The following C2CD3 variants were observed in gnomAD, a reference collection of about 807,000 sequenced individuals.
C2CD3 encodes C2 domain-containing protein 3.
In C2CD3, 148 loss-of-function variants were observed where a neutral mutation model predicts 234.0. That is an observed-to-expected ratio of 0.63 (90% CI 0.55 to 0.72). The LOEUF (loss-of-function observed/expected upper bound fraction) is 0.72. Ranked by LOEUF, C2CD3 falls within the 30% of genes least tolerant of loss-of-function variation. The pLI, the probability that C2CD3 is intolerant of heterozygous loss-of-function variation, is 0.00. For synonymous variants in C2CD3, 1,000 were observed against 1,035.4 expected (o/e 0.97, Z 0.66); for missense variants, 2,577 against 2,811.5 (o/e 0.92, Z 1.89).
intron 8 of C2CD3, among the ~76,000 whole-genome samples, chr11:74,118,667 G>A (rs112824954): frequency 1.3e-5 from 2 of 152,228 alleles, no homozygotes; most frequent in African/African-American, 4.8e-5. Context: ...TAGACCATAT[G>A]TCTGGTATTA....
At chr11:74,133,635 T>C in intron 5 of C2CD3, 78 bp from the exon 6 acceptor site, 1 of 1,468,178 alleles carries the variant, frequency 6.8e-7, no homozygotes, top group Non-Finnish European at 9.4e-7. Context: ...CATTTCCTTC[T>C]ATCAGAGGAC....
At chr11:74,049,218 T>C in intron 27 of C2CD3, 119 bp downstream of exon 27, 3 of 798,150 alleles carry the variant, frequency 3.8e-6, no homozygotes, top group Non-Finnish European at 4.1e-6. Flanking sequence ...GAGGTTGTTA[T>C]GAGACACATA....
At chr11:74,086,280 T>C (rs530337405) in intron 20 of C2CD3, among the ~76,000 whole-genome samples, 9 of 152,326 alleles carry the variant, frequency 5.9e-5, no homozygotes, top group South Asian at 4.1e-4. Flanking sequence ...CTTATCAGCA[T>C]TGGACTTGTG....
chr11:74,158,934 C>A (rs192841786), intron 3 of C2CD3, among the ~76,000 whole-genome samples: 1 of 152,242 alleles, frequency 6.6e-6, no homozygotes, highest in East Asian at 1.9e-4. Flanking sequence ...TTATGGTCAA[C>A]AGTATGAAGG....
chr11:74,056,940 GC>G (rs1265412654), intron 25 of C2CD3, among the ~76,000 whole-genome samples: 1 of 120,706 alleles, frequency 8.3e-6, no homozygotes, highest in Non-Finnish European at 1.7e-5. Context: ...TTGCTATATT[GC>G]CCAGGCAAGT....
chr11:74,148,692 T>C (rs536579296), intron 3 of C2CD3, among the ~76,000 whole-genome samples: 1 of 152,246 alleles, frequency 6.6e-6, no homozygotes, highest in African/African-American at 2.4e-5. Context: ...TTCTTTGCAG[T>C]CCCTCACTCC....
In C2CD3 at chr11:74,109,998, G is replaced by A. The variant is rs369026539; in HGVS notation, c.1844-846C>T. ...TGGGAGGCTAAGGCAGGAGAGTGGC[G>A]TGAACCGGGGAAGCAGAGCTTGCAG... On this transcript the variant is annotated intron_variant, in intron 11 of 32. Coordinates refer to ENST00000334126, the MANE Select transcript of C2CD3 (RefSeq NM_001286577.2). Among the ~76,000 whole-genome samples the A allele has an allele frequency of 2.0e-3, 306 of 150,348 alleles. 2 individuals are homozygous for A. The highest frequency in any genetic ancestry group is 6.7e-3 in the African/African-American group (272 of 40,402).
chr11:74,047,199 G>A (rs183361985), intron 28 of C2CD3, among the ~76,000 whole-genome samples: 1 of 152,326 alleles, frequency 6.6e-6, no homozygotes, highest in East Asian at 1.9e-4. Context: ...TGTTAAGATG[G>A]TTAGAGAGTG....
chr11:74,139,589 T>G lies in C2CD3; in HGVS notation c.707+16A>C. 1 of 1,516,956 alleles carries G rather than the reference T, an allele frequency of 6.6e-7. No individual in the cohort carries two copies. The highest frequency in any genetic ancestry group is 1.1e-5 in the South Asian group (1 of 89,070). The allele number at this position is 1,516,956 out of a possible 1,614,324, so 94.0% of individuals were successfully genotyped here. A position where few individuals can be genotyped will look rare whatever the true frequency, so the allele number is the denominator to read the frequency against. ...AGTTAACTGACAGATTGACTGGTAT[T>G]AGGTATGGTAATTACCTCGGAGTGG... On this transcript the variant is annotated intron_variant, in intron 4 of 32. Transcript: ENST00000334126.
intron 7 of C2CD3, chr11:74,129,949 C>T (rs1318278457): frequency 7.8e-6 from 1 of 127,714 alleles, no homozygotes; most frequent in Non-Finnish European, 1.6e-5. Context: ...CGGCGCGCGC[C>T]TGCAATCGCA....
intron 24 of C2CD3, among the ~76,000 whole-genome samples, chr11:74,063,580 C>G (rs1034592642): frequency 6.6e-6 from 1 of 152,062 alleles, no homozygotes; most frequent in Non-Finnish European, 1.5e-5. Flanking sequence ...ATTCAACAGC[C>G]CTTCATGTTA....
intron 11 of C2CD3, among the ~76,000 whole-genome samples, chr11:74,111,258 G>T (rs757813876): frequency 6.6e-6 from 1 of 152,118 alleles, no homozygotes; most frequent in Non-Finnish European, 1.5e-5. Context: ...AAGGCAAGGT[G>T]CAGAACCATG....
rs1955607822 is a variant in C2CD3, at chr11:74,085,679, T to C, written c.3849A>G (p.Leu1283=). 1 of 1,614,106 alleles carries C rather than the reference T, an allele frequency of 6.2e-7. No homozygotes were observed. Among genetic ancestry groups the C allele is most frequent in the Non-Finnish European group, 8.5e-7 (1 of 1,180,026 alleles). ...TQHCSGEACF[L]AELLEFAEVI... is the part of the protein sequence containing the mutation. ...CTTCTGCAAACTCCAACAACTCTGC[T>C]AGGAAACAGGCCTCTCCACTACAGT... Residue 1283 remains leucine, a synonymous_variant, in exon 21 of 33, where the codon CTA becomes CTG. Transcript: ENST00000334126.
chr11:74,028,785 C>A (rs1173788564), intron 31 of C2CD3, among the ~76,000 whole-genome samples: 2 of 152,248 alleles, frequency 1.3e-5, no homozygotes, highest in African/African-American at 4.8e-5. Flanking sequence ...GTTACCTCTA[C>A]TTCCTGAAAG....
chr11:74,084,770 G>A (rs1955564450), intron 22 of C2CD3, 111 bp downstream of exon 22: 1 of 693,156 alleles, frequency 1.4e-6, no homozygotes. Flanking sequence ...CATGTGTTAA[G>A]GGGTTGTGTT....
At chr11:74,020,949 C>G (rs1250825031) in intron 32 of C2CD3, among the ~76,000 whole-genome samples, 1 of 152,134 alleles carries the variant, frequency 6.6e-6, no homozygotes, top group African/African-American at 2.4e-5. Flanking sequence ...AGGGAAGCAG[C>G]AGAAAGGCAA....
At chr11:74,091,699 C>T (rs1955899429) in intron 19 of C2CD3, among the ~76,000 whole-genome samples, 2 of 152,194 alleles carry the variant, frequency 1.3e-5, no homozygotes. Context: ...CTATCTTCTA[C>T]CAATCCCCTA....
chr11:74,044,060 T>C (rs1953224561), intron 28 of C2CD3, among the ~76,000 whole-genome samples: 1 of 152,032 alleles, frequency 6.6e-6, no homozygotes, highest in Non-Finnish European at 1.5e-5. Context: ...TAACATGGTC[T>C]TGACCTCCTG....
intron 24 of C2CD3, among the ~76,000 whole-genome samples, chr11:74,073,874 G>A (rs1193895227): frequency 2.0e-5 from 3 of 152,106 alleles, no homozygotes; most frequent in Admixed American, 6.5e-5. Context: ...AACTTTTCAC[G>A]GATCCCTTGG....
Sources: allele counts gnomAD v4.1 joint callset (sites outside exome capture counted in the v4.1 genomes callset), GRCh38; gene constraint gnomAD v4.1.1; transcripts MANE v1.5; gene names NCBI Gene and HGNC (gene_info 2026-07-23, HGNC 2026-07-21).